The following PDILT variants were observed in gnomAD, a reference collection of about 807,000 sequenced individuals.
The protein encoded by PDILT is protein disulfide isomerase like, testis expressed.
A neutral mutation model predicts 53.7 loss-of-function variants in PDILT; 43 were observed. The observed-to-expected ratio is 0.80, with a 90% CI of 0.63 to 1.03. The LOEUF is 1.03. PDILT is among the 50% of genes least tolerant of loss of function. The pLI is 0.00. For missense variants in PDILT, 727 were observed against 712.3 expected (o/e 1.02, Z -0.24); for synonymous variants, 282 against 274.2 (o/e 1.03, Z -0.28).
intron 2 of PDILT, among the ~76,000 whole-genome samples, chr16:20,387,951 G>A (rs28412149): frequency 0.013 from 1,954 of 152,252 alleles, 36 homozygotes; most frequent in African/African-American, 0.045. Context: ...TAGACCAGTC[G>A]GAGGCTACTA....
At chr16:20,382,436 C>A (rs114689274) in intron 3 of PDILT, among the ~76,000 whole-genome samples, 2,020 of 152,310 alleles carry the variant, frequency 0.013, 34 homozygotes, top group African/African-American at 0.046. Flanking sequence ...CTTCACATTG[C>A]ATCAGCAGAT....
At chr16:20,384,229 T>C (rs894301893) in intron 3 of PDILT, among the ~76,000 whole-genome samples, 1 of 152,184 alleles carries the variant, frequency 6.6e-6, no homozygotes, top group Non-Finnish European at 1.5e-5. Flanking sequence ...TCTTGGTGTT[T>C]CTAGGGCCCA....
intron 7 of PDILT, among the ~76,000 whole-genome samples, chr16:20,370,686 T>C (rs566495019): frequency 6.6e-6 from 1 of 152,274 alleles, no homozygotes; most frequent in East Asian, 1.9e-4. Flanking sequence ...CCAGACGATT[T>C]AGGTATTCTT....
chr16:20,360,607 C>T lies in PDILT; in HGVS notation c.1467G>A (p.Leu489=), dbSNP rs755749083. 1.2e-6 allele frequency: 2 copies of T among 1,614,096 alleles called. No individual in the cohort carries two copies. Among genetic ancestry groups the T allele is most frequent in the South Asian group, 1.1e-5 (1 of 91,086 alleles). ...EHTLKGFSDF[L]ESHIKTKIED... is the part of the protein sequence containing the mutation. Reference sequence around the variant, plus strand: ...CAATCTTAGTTTTGATGTGGCTTTCCAGGAAGTCAGAGAAGCCCTTCAGGG... The same window carrying T: ...CAATCTTAGTTTTGATGTGGCTTTCTAGGAAGTCAGAGAAGCCCTTCAGGG... The change falls in exon 11 of 12, where the codon CTG becomes CTA. Residue 489 remains leucine, a synonymous_variant. Coordinates refer to ENST00000302451, the MANE Select transcript of PDILT (RefSeq NM_174924.2).
chr16:20,366,182 A>G (rs1053213002), intron 8 of PDILT, among the ~76,000 whole-genome samples: 1 of 152,040 alleles, frequency 6.6e-6, no homozygotes. Flanking sequence ...CCTTGATCAC[A>G]CTTTGATTGG....
At chr16:20,381,216 C>T (rs140329370) in intron 3 of PDILT, among the ~76,000 whole-genome samples, 96 of 152,312 alleles carry the variant, frequency 6.3e-4, no homozygotes, top group African/African-American at 2.3e-3. Context: ...GGACTAAATC[C>T]CACCAGTGTC....
intron 7 of PDILT, 120 bp downstream of exon 7, chr16:20,372,681 TG>T (rs1269005266): frequency 8.3e-7 from 1 of 1,198,680 alleles, no homozygotes; most frequent in African/African-American, 1.5e-5. Flanking sequence ...GACAGGCAAT[TG>T]CAAGTGCCAA....
rs566677449 is a variant in PDILT, at chr16:20,371,041, A to G, written c.919-1352T>C. On this transcript the variant is annotated intron_variant, in intron 7 of 11. Coordinates refer to ENST00000302451, the MANE Select transcript of PDILT (RefSeq NM_174924.2). ...ATTCTTTTATTCCTGTACTTTCCTA[A>G]TAAACTTGCTTTCACTTTACAGACT... 1.9e-3 allele frequency among the ~76,000 whole-genome samples: 289 copies of G among 152,308 alleles called. 1 individual carries two copies. The highest frequency in any genetic ancestry group is 6.3e-3 in the African/African-American group (263 of 41,572).
rs1369165079 is a variant in PDILT, at chr16:20,376,076, A to G, written c.535T>C (p.Phe179Leu). Reference protein sequence around the residue: ...VISRPLVIVGFFQDLEEEVAE... With the variant: ...VISRPLVIVGLFQDLEEEVAE... ...CCTCTTGGTCCCAGTACCTGGAAGA[A>G]GCCAACGATGACCAAGGGCCTGGAT... The change falls in exon 4 of 12, where the codon TTC becomes CTC. Residue 179 changes from phenylalanine to leucine, a missense_variant. By Grantham distance (22) the Phe-to-Leu change is conservative. Transcript: ENST00000302451. 5 of 1,614,148 alleles carry G rather than the reference A, an allele frequency of 3.1e-6. No individual in the cohort carries two copies. Among genetic ancestry groups the G allele is most frequent in the Non-Finnish European group, 3.4e-6 (4 of 1,180,016 alleles).
intron 3 of PDILT, among the ~76,000 whole-genome samples, chr16:20,379,305 C>T (rs1290625940): frequency 1.3e-5 from 2 of 152,158 alleles, no homozygotes; most frequent in East Asian, 3.9e-4. Context: ...TCCCGAATAG[C>T]TGGGACTACA....
At chr16:20,370,417 G>A (rs946529259) in intron 7 of PDILT, among the ~76,000 whole-genome samples, 1 of 152,194 alleles carries the variant, frequency 6.6e-6, no homozygotes, top group Non-Finnish European at 1.5e-5. Flanking sequence ...ATTAGGTAGG[G>A]TGGTCAAGAG....
At chr16:20,365,261 T>C (rs1966172374) in intron 9 of PDILT, among the ~76,000 whole-genome samples, 159 bp downstream of exon 9, 1 of 152,202 alleles carries the variant, frequency 6.6e-6, no homozygotes, top group Non-Finnish European at 1.5e-5. Flanking sequence ...GCATTGTTCC[T>C]GATAGCATCT....
chr16:20,391,622 CATTT>C (rs1324862824), intron 2 of PDILT, among the ~76,000 whole-genome samples: 6 of 152,104 alleles, frequency 3.9e-5, no homozygotes, highest in Non-Finnish European at 8.8e-5. Flanking sequence ...TCTATTCATT[CATTT>C]AACATCTATG....
At chr16:20,372,977 G>C (rs1345948179) in intron 6 of PDILT, 35 bp downstream of exon 6, 1 of 1,613,540 alleles carries the variant, frequency 6.2e-7, no homozygotes, top group South Asian at 1.1e-5. Context: ...AGTGGCCCCA[G>C]CTCCCCTTCC....
intron 3 of PDILT, among the ~76,000 whole-genome samples, chr16:20,377,022 A>G (rs1000360532): frequency 1.3e-5 from 2 of 152,232 alleles, no homozygotes; most frequent in South Asian, 2.1e-4. Context: ...ATGGTGGCCT[A>G]TGCCTATTTC....
At chr16:20,386,355 C>T (rs1250216496) in intron 2 of PDILT, among the ~76,000 whole-genome samples, 2 of 152,136 alleles carry the variant, frequency 1.3e-5, no homozygotes, top group African/African-American at 2.4e-5. Flanking sequence ...TGAGCCAGGG[C>T]AGGGGGTCAT....
intron 3 of PDILT, among the ~76,000 whole-genome samples, chr16:20,382,039 C>A (rs552004872): frequency 3.3e-5 from 5 of 152,222 alleles, no homozygotes; most frequent in African/African-American, 1.2e-4. Context: ...GCTGAGAATA[C>A]AGGTATCTGC....
intron 4 of PDILT, 40 bp from the exon 5 acceptor site, chr16:20,374,999 T>A: frequency 6.4e-7 from 1 of 1,570,038 alleles, no homozygotes; most frequent in Non-Finnish European, 8.7e-7. Context: ...TTGGTAGAAA[T>A]CAAGGTGCCT....
At chr16:20,379,753 T>C (rs11863936) in intron 3 of PDILT, among the ~76,000 whole-genome samples, 20,273 of 152,218 alleles carry the variant, frequency 0.13, 1,687 homozygotes, top group African/African-American at 0.23. Flanking sequence ...AAGGTCATGT[T>C]AAAAGCCACA....
Sources: gnomAD v4.1 joint callset for allele counts (sites outside exome capture counted in the v4.1 genomes callset) on GRCh38, gnomAD v4.1.1 for gene constraint, MANE v1.5 for transcripts, NCBI Gene and HGNC (gene_info 2026-07-23, HGNC 2026-07-21) for gene names.